RAB14: variants seen among roughly 807,000 people sequenced by gnomAD.
RAB14 encodes RAB14, member RAS oncogene family.
A neutral mutation model predicts 31.1 loss-of-function variants in RAB14; 3 were observed. The ratio of observed to expected loss-of-function variants is 0.10; its 90% CI spans 0.04 to 0.25. The LOEUF is 0.25. Among genes scored for constraint, RAB14 ranks in the 10% least tolerant of loss-of-function variants. The probability of loss-of-function intolerance (pLI) is 1.00; values close to 1 mark genes in which losing one functional copy is unlikely to be tolerated. For missense variants in RAB14, 111 were observed against 260.1 expected, an observed-to-expected ratio of 0.43 and a Z score of 3.94; for synonymous variants, 85 against 84.9, an observed-to-expected ratio of 1.00 and a Z score of 0.00.
chr9:121,181,275 GT>G lies in RAB14; in HGVS notation c.*120del. On this transcript the variant is annotated 3_prime_UTR_variant, in exon 8 of 8. Coordinates refer to ENST00000373840, the MANE Select transcript of RAB14 (RefSeq NM_016322.4). ...TGTGTTAAACTGTTTTTACAACAGAGTTTTTTCTTTTTTTTTAATTAAACCC... is the reference window on the plus strand; with the variant it reads ...TGTGTTAAACTGTTTTTACAACAGAGTTTTTCTTTTTTTTTAATTAAACCC... 1.8e-6 allele frequency: 2 copies of G among 1,107,576 alleles called. No homozygotes were observed. Among genetic ancestry groups the G allele is most frequent in the Non-Finnish European group, 2.5e-6 (2 of 809,396 alleles). 68.6% of individuals were successfully genotyped at this position (1,107,576 alleles called of 1,614,324 possible).
At chr9:121,200,007 T>C (rs748778237) in intron 1 of RAB14, among the ~76,000 whole-genome samples, 1 of 152,234 alleles carries the variant, frequency 6.6e-6, no homozygotes, top group Non-Finnish European at 1.5e-5. Flanking sequence ...TGCTAAGGGC[T>C]TTCTTTAAAC....
chr9:121,181,300 C>A lies in RAB14; in HGVS notation c.*96G>T. 1 of 1,221,610 alleles carries A rather than the reference C, an allele frequency of 8.2e-7. No homozygotes were observed. The highest frequency in any genetic ancestry group is 1.1e-6 in the Non-Finnish European group (1 of 912,832). 75.7% of individuals were successfully genotyped at this position (1,221,610 alleles called of 1,614,324 possible). A position where few individuals can be genotyped will look rare whatever the true frequency, so the allele number is the denominator to read the frequency against. ...GTTTTTTCTTTTTTTTTAATTAAAC[C>A]CAGTAAGATGTACAGAAGACAATGA... On this transcript the variant is annotated 3_prime_UTR_variant, in exon 8 of 8. Coordinates refer to ENST00000373840, the MANE Select transcript of RAB14 (RefSeq NM_016322.4).
chr9:121,182,373 T>C (rs1341863811), intron 7 of RAB14, among the ~76,000 whole-genome samples: 5 of 152,346 alleles, frequency 3.3e-5, no homozygotes, highest in East Asian at 1.9e-4. Flanking sequence ...TTTGGACTAA[T>C]AGCACAGCTG....
rs1230575317 is a variant in RAB14 at position 121,179,997 on chromosome 9, A to T, written c.*1399T>A. On this transcript the variant is annotated 3_prime_UTR_variant, in exon 8 of 8. Transcript: ENST00000373840. Reference sequence around the variant, plus strand: ...AATAAAACATGTTGTCCAAAAAAATAAGATTGTTTCTCTTGCTATACAGTA... The same window carrying T: ...AATAAAACATGTTGTCCAAAAAAATTAGATTGTTTCTCTTGCTATACAGTA... 6.6e-6 allele frequency: 1 copy of T among 152,650 alleles called. No homozygotes were observed. The highest frequency in any genetic ancestry group is 1.5e-5 in the Non-Finnish European group (1 of 68,048). The allele number at this position is 152,650 out of a possible 1,614,324, so 9.5% of individuals were successfully genotyped here. A position where few individuals can be genotyped will look rare whatever the true frequency, so the allele number is the denominator to read the frequency against.
At chr9:121,194,433 GAAAAC>G (rs2053704191) in intron 1 of RAB14, among the ~76,000 whole-genome samples, 1 of 152,010 alleles carries the variant, frequency 6.6e-6, no homozygotes, top group South Asian at 2.1e-4. Context: ...TACTTAAAAA[GAAAAC>G]AAAAAACTTT....
At position 121,192,147 on chromosome 9, in the gene RAB14, G is replaced by A. The variant is rs200535780; in HGVS notation, c.106+24C>T. 39 of 1,501,176 alleles carry A rather than the reference G, an allele frequency of 2.6e-5. No homozygotes were observed. The Middle Eastern group carries it at 8.6e-4, about 33-fold the overall frequency. The allele number at this position is 1,501,176 out of a possible 1,614,324, so 93.0% of individuals were successfully genotyped here. Reference sequence around the variant, plus strand: ...CATGGCGATAAAGAAAACTATTAATGTTTACCTCATGTATTGAACTTACAT... The same window carrying A: ...CATGGCGATAAAGAAAACTATTAATATTTACCTCATGTATTGAACTTACAT... On this transcript the variant is annotated intron_variant, in intron 3 of 7. Transcript: ENST00000373840.
rs912886781 is a variant in RAB14, at chr9:121,201,276, G to A, written c.-8+363C>T. 1.3e-4 allele frequency among the ~76,000 whole-genome samples: 20 copies of A among 152,314 alleles called. No individual in the cohort carries two copies. In the East Asian group the frequency reaches 3.7e-3, roughly 28 times the overall value. ...TGCGGGGGCGGGCTGCGGCCGCGGG[G>A]AACAGCGGCGAGAGGGGGGCCCGCG... On this transcript the variant is annotated intron_variant, in intron 1 of 7. Transcript: ENST00000373840.
chr9:121,191,863 ACAAT>A (rs1455880162), intron 3 of RAB14, among the ~76,000 whole-genome samples: 2 of 152,270 alleles, frequency 1.3e-5, no homozygotes, highest in South Asian at 2.1e-4. Context: ...TCCTAATAAG[ACAAT>A]CAATTCCTGT....
chr9:121,196,797 A>T (rs1315999895), intron 1 of RAB14, among the ~76,000 whole-genome samples: 1 of 152,262 alleles, frequency 6.6e-6, no homozygotes, highest in South Asian at 2.1e-4. Flanking sequence ...TGGTAATACT[A>T]GTAATACTAA....
chr9:121,201,067 C>A lies in RAB14; in HGVS notation c.-8+572G>T, dbSNP rs190708666. Among the ~76,000 whole-genome samples, 9 of 152,296 alleles carry A rather than the reference C, an allele frequency of 5.9e-5. No individual in the cohort carries two copies. In the East Asian group the frequency reaches 1.2e-3, roughly 20 times the overall value. On this transcript the variant is annotated intron_variant, in intron 1 of 7. Coordinates refer to ENST00000373840, the MANE Select transcript of RAB14 (RefSeq NM_016322.4). ...AGGCGCACAGACCCAGACCCCGGCC[C>A]CGGCCCGGCCCGGCTGCAGGGCCGG...
chr9:121,185,377 C>T (rs1332604384), intron 5 of RAB14, among the ~76,000 whole-genome samples: 1 of 152,126 alleles, frequency 6.6e-6, no homozygotes, highest in Non-Finnish European at 1.5e-5. Context: ...GTACAATCTG[C>T]AGCCCTTATT....
intron 1 of RAB14, among the ~76,000 whole-genome samples, chr9:121,199,524 A>C (rs1003711745): frequency 3.3e-5 from 5 of 152,202 alleles, no homozygotes; most frequent in Non-Finnish European, 5.9e-5. Flanking sequence ...AGTTTCCTCC[A>C]CTAGCACAAT....
Position 121,188,111 on chromosome 9 carries a change from C to T in RAB14, c.285-1092G>A, listed in dbSNP as rs1363528003. Among the ~76,000 whole-genome samples, 5 of 151,916 alleles carry T rather than the reference C, an allele frequency of 3.3e-5. No homozygotes were observed. In the East Asian group the frequency reaches 9.6e-4, roughly 29 times the overall value. On this transcript the variant is annotated intron_variant, in intron 4 of 7. Coordinates refer to ENST00000373840, the MANE Select transcript of RAB14 (RefSeq NM_016322.4). ...GTGTTACATCATATTATTCATAAATCACCACTTAGATGTCAAAAAAGTCAT... is the reference window on the plus strand; with the variant it reads ...GTGTTACATCATATTATTCATAAATTACCACTTAGATGTCAAAAAAGTCAT...
At chr9:121,188,840 A>G (rs2053671863) in intron 4 of RAB14, among the ~76,000 whole-genome samples, 2 of 152,024 alleles carry the variant, frequency 1.3e-5, no homozygotes, top group African/African-American at 2.4e-5. Context: ...TTATTCTTTT[A>G]AAGTACGTAA....
At chr9:121,186,149 G>C (rs770499227) in intron 5 of RAB14, among the ~76,000 whole-genome samples, 2 of 152,000 alleles carry the variant, frequency 1.3e-5, no homozygotes, top group Admixed American at 6.6e-5. Context: ...CATTGTTCCT[G>C]GCATACCCTC....
Position 121,179,871 on chromosome 9 carries a change from T to C in RAB14, c.*1525A>G, listed in dbSNP as rs1283724551. On this transcript the variant is annotated 3_prime_UTR_variant, in exon 8 of 8. Coordinates refer to ENST00000373840, the MANE Select transcript of RAB14 (RefSeq NM_016322.4). ...GCAGTTGAGCTGAGTGCATTTTCTA[T>C]AGTACGCTGAGGTGTTACCTATTCT... 3 of 152,644 alleles carry C rather than the reference T, an allele frequency of 2.0e-5. No individual in the cohort carries two copies. Among genetic ancestry groups the C allele is most frequent in the East Asian group, 1.9e-4 (1 of 5,206 alleles). The allele number at this position is 152,644 out of a possible 1,614,324, so 9.5% of individuals were successfully genotyped here.
chr9:121,196,078 T>A (rs1311300673), intron 1 of RAB14, among the ~76,000 whole-genome samples: 3 of 152,232 alleles, frequency 2.0e-5, no homozygotes, highest in Admixed American at 6.5e-5. Flanking sequence ...ACAGTACTTT[T>A]GCTTTACTTA....
At chr9:121,189,661 T>G (rs2053676189) in intron 4 of RAB14, among the ~76,000 whole-genome samples, 1 of 152,168 alleles carries the variant, frequency 6.6e-6, no homozygotes, top group Non-Finnish European at 1.5e-5. Context: ...GCAAAGAATT[T>G]CTTACTGCAG....
rs2053618157 is a variant in RAB14 at position 121,179,134 on chromosome 9, G to A, written c.*2262C>T. 1 of 152,218 alleles carries A rather than the reference G, an allele frequency of 6.6e-6. No individual in the cohort carries two copies. The highest frequency in any genetic ancestry group is 1.5e-5 in the Non-Finnish European group (1 of 68,038). 9.4% of individuals were successfully genotyped at this position (152,218 alleles called of 1,614,324 possible). A position where few individuals can be genotyped will look rare whatever the true frequency, so the allele number is the denominator to read the frequency against. ...GTAATGTAAACACAAGAATAAAGCT[G>A]TGGGTCTATTACTTAGTGATGTGGT... is the stretch of plus-strand genomic sequence containing the variant. On this transcript the variant is annotated 3_prime_UTR_variant, in exon 8 of 8. Coordinates refer to ENST00000373840, the MANE Select transcript of RAB14 (RefSeq NM_016322.4).
Sources: allele counts gnomAD v4.1 joint callset (sites outside exome capture counted in the v4.1 genomes callset), GRCh38; gene constraint gnomAD v4.1.1; transcripts MANE v1.5; gene names NCBI Gene and HGNC (gene_info 2026-07-23, HGNC 2026-07-21).